Variants in MAST4 observed in about 807,000 individuals in gnomAD.
The protein encoded by MAST4 is microtubule associated serine/threonine kinase family member 4, also known as microtubule-associated serine/threonine-protein kinase 4.
A neutral mutation model predicts 162.7 loss-of-function variants in MAST4; 89 were observed. That is an observed-to-expected ratio of 0.55 (90% CI 0.46 to 0.65). The LOEUF (loss-of-function observed/expected upper bound fraction) is 0.65. Among genes scored for constraint, MAST4 ranks in the 30% least tolerant of loss-of-function variants. The pLI, the probability that MAST4 is intolerant of heterozygous loss-of-function variation, is 0.00. For synonymous variants in MAST4, 1,479 were observed against 1,361.1 expected, an observed-to-expected ratio of 1.09 and a Z score of -1.91; for missense variants, 3,153 against 3,374.0, an observed-to-expected ratio of 0.93 and a Z score of 1.62.
chr5:66,887,543 G>T (rs1762115697), intron 3 of MAST4, among the ~76,000 whole-genome samples: 1 of 152,184 alleles, frequency 6.6e-6, no homozygotes, highest in Non-Finnish European at 1.5e-5. Context: ...GCGCCATATG[G>T]AAACAGCATC....
chr5:66,760,564 C>T (rs1753800248), intron 2 of MAST4, among the ~76,000 whole-genome samples: 1 of 152,182 alleles, frequency 6.6e-6, no homozygotes, highest in Non-Finnish European at 1.5e-5. Flanking sequence ...AAATCCTTGG[C>T]CCTAGGCAGC....
chr5:66,677,272 C>G (rs948947834), intron 1 of MAST4, among the ~76,000 whole-genome samples: 1 of 152,172 alleles, frequency 6.6e-6, no homozygotes, highest in Non-Finnish European at 1.5e-5. Flanking sequence ...AAATTATACC[C>G]TTGTAAAGGA....
intron 3 of MAST4, among the ~76,000 whole-genome samples, chr5:66,875,906 T>A (rs1281667256): frequency 6.6e-6 from 1 of 152,124 alleles, no homozygotes; most frequent in East Asian, 1.9e-4. Flanking sequence ...GGACTACAGG[T>A]GCATACTGTC....
intron 1 of MAST4, among the ~76,000 whole-genome samples, chr5:66,741,481 A>C (rs1458420439): frequency 6.6e-6 from 1 of 152,078 alleles, no homozygotes; most frequent in Non-Finnish European, 1.5e-5. Flanking sequence ...CAGCTGCTCA[A>C]CTCTGCTATA....
At chr5:66,883,509 A>C (rs759382248) in intron 3 of MAST4, among the ~76,000 whole-genome samples, 1 of 145,502 alleles carries the variant, frequency 6.9e-6, no homozygotes. Flanking sequence ...GCTCACTGCA[A>C]CCTCCGCCTC....
intron 4 of MAST4, among the ~76,000 whole-genome samples, chr5:66,902,983 G>A (rs1217678808): frequency 1.3e-5 from 2 of 152,128 alleles, no homozygotes; most frequent in East Asian, 3.8e-4. Flanking sequence ...AGCAGGTAAA[G>A]TAACCAAACC....
chr5:67,058,017 A>T (rs152629), intron 5 of MAST4, among the ~76,000 whole-genome samples: 20,224 of 151,770 alleles, frequency 0.13, 1,438 homozygotes, highest in Middle Eastern at 0.23. Flanking sequence ...AGGCAGGAGG[A>T]TTGCTTGAGC....
chr5:66,760,675 A>C (rs1753806378), intron 2 of MAST4, among the ~76,000 whole-genome samples: 1 of 152,170 alleles, frequency 6.6e-6, no homozygotes, highest in African/African-American at 2.4e-5. Flanking sequence ...TCTTTTGCTC[A>C]GTGTGATGTT....
intron 3 of MAST4, among the ~76,000 whole-genome samples, chr5:66,874,795 C>T (rs1761183023): frequency 1.3e-5 from 2 of 152,160 alleles, no homozygotes; most frequent in South Asian, 4.1e-4. Flanking sequence ...AAAATCAGCC[C>T]AGAGCTATCT....
rs1011395824 is a variant in MAST4 at position 67,162,086 on chromosome 5, T to C, written c.3786-521T>C. On this transcript the variant is annotated intron_variant, in intron 27 of 28. Transcript: ENST00000403625. ...CCTTTCTCGGTTTTTTCTATGTCGT[T>C]GTACAGCCTGCATTGTTGTTAGGAA... is the stretch of plus-strand genomic sequence containing the variant. 2.6e-5 allele frequency among the ~76,000 whole-genome samples: 4 copies of C among 152,198 alleles called. No individual in the cohort carries two copies. In the South Asian group the frequency reaches 8.3e-4, roughly 32 times the overall value.
At chr5:66,916,538 G>A (rs1236078287) in intron 4 of MAST4, among the ~76,000 whole-genome samples, 1 of 152,208 alleles carries the variant, frequency 6.6e-6, no homozygotes, top group African/African-American at 2.4e-5. Context: ...ACAGCACAAA[G>A]TTATACAAAG....
At chr5:67,028,599 T>C (rs980842048) in intron 4 of MAST4, among the ~76,000 whole-genome samples, 7 of 152,094 alleles carry the variant, frequency 4.6e-5, no homozygotes, top group Non-Finnish European at 1.0e-4. Context: ...GATGACTAAC[T>C]GAGTGATTAG....
intron 1 of MAST4, among the ~76,000 whole-genome samples, chr5:66,728,676 TAACA>T (rs902384897): frequency 3.3e-5 from 5 of 152,158 alleles, no homozygotes; most frequent in African/African-American, 9.7e-5. Flanking sequence ...CGGAGAAAGG[TAACA>T]AACAAAGGAC....
chr5:66,721,719 C>T (rs982438198), intron 1 of MAST4, among the ~76,000 whole-genome samples: 1 of 150,800 alleles, frequency 6.6e-6, no homozygotes, highest in Admixed American at 6.6e-5. Flanking sequence ...ACTGCTTACT[C>T]AACATCTCGA....
At chr5:67,036,786 A>C (rs1756074136) in intron 4 of MAST4, among the ~76,000 whole-genome samples, 1 of 152,254 alleles carries the variant, frequency 6.6e-6, no homozygotes, top group Non-Finnish European at 1.5e-5. Flanking sequence ...TGAATGCATA[A>C]CTCACGGATA....
intron 7 of MAST4, among the ~76,000 whole-genome samples, chr5:67,098,943 T>A (rs568018095): frequency 6.6e-6 from 1 of 152,146 alleles, no homozygotes; most frequent in Non-Finnish European, 1.5e-5. Context: ...AAATAAATAT[T>A]TTAAACAGCT....
chr5:66,683,339 C>T (rs922759852), intron 1 of MAST4, among the ~76,000 whole-genome samples: 1 of 152,166 alleles, frequency 6.6e-6, no homozygotes, highest in Non-Finnish European at 1.5e-5. Context: ...TATTCTGGTT[C>T]ATTGGACTGT....
At chr5:66,986,408 T>C in intron 4 of MAST4, 7 of 1,344,914 alleles carry the variant, frequency 5.2e-6, no homozygotes, top group Non-Finnish European at 6.2e-6. Context: ...TAAATGTGCA[T>C]CATATCACTC....
intron 4 of MAST4, chr5:66,959,295 G>A (rs756477471): frequency 1.3e-6 from 1 of 779,720 alleles, no homozygotes; most frequent in East Asian, 2.4e-5. Context: ...TGACCTTGGA[G>A]TAAGTATTGT....
Sources: allele counts gnomAD v4.1 joint callset (sites outside exome capture counted in the v4.1 genomes callset), GRCh38; gene constraint gnomAD v4.1.1; transcripts MANE v1.5; gene names NCBI Gene and HGNC (gene_info 2026-07-23, HGNC 2026-07-21).